CBLB: variants seen among roughly 807,000 people sequenced by gnomAD.
The protein encoded by CBLB is Cbl proto-oncogene B.
CBLB carries 31 observed loss-of-function variants against 104.9 expected under a neutral mutation model. The observed-to-expected ratio is 0.30, with a 90% confidence interval of 0.22 to 0.40. CBLB has a LOEUF of 0.40. Ranked by LOEUF, CBLB falls within the 10% of genes least tolerant of loss-of-function variation. The pLI, the probability that CBLB is intolerant of heterozygous loss-of-function variation, is 1.00. For missense variants in CBLB, 1,062 were observed against 1,214.6 expected (o/e 0.87, Z 1.87); for synonymous variants, 440 against 422.6 (o/e 1.04, Z -0.51).
chr3:105,827,492 A>ATGTG (rs72336872), intron 3 of CBLB, among the ~76,000 whole-genome samples: 16 of 150,832 alleles, frequency 1.1e-4, no homozygotes, highest in African/African-American at 2.7e-4. Flanking sequence ...ACCAGTGTGT[A>ATGTG]TGTGTGTGTG....
intron 2 of CBLB, among the ~76,000 whole-genome samples, chr3:105,857,691 T>C (rs2091745924): frequency 6.6e-6 from 1 of 152,212 alleles, no homozygotes; most frequent in South Asian, 2.1e-4. Flanking sequence ...TTATTCCATT[T>C]GCAAATTTAC....
Position 105,702,330 on chromosome 3 carries a change from T to C in CBLB, c.1723A>G (p.Ile575Val). 1 of 1,613,894 alleles carries C rather than the reference T, an allele frequency of 6.2e-7. No individual in the cohort carries two copies. Among genetic ancestry groups the C allele is most frequent in the South Asian group, 1.1e-5 (1 of 91,060 alleles). The change falls in exon 12 of 19, where the codon ATC becomes GTC. Residue 575 changes from isoleucine to valine, a missense_variant. Coordinates refer to ENST00000394030, the MANE Select transcript of CBLB (RefSeq NM_170662.5). ...GAAGGCACGCTTTCCACATGATGGA[T>C]GTGTCTACTCAGTCTATTGTCTGGT... ...IPPDNRLSRH[I>V]HHVESVPSRD...
intron 9 of CBLB, among the ~76,000 whole-genome samples, chr3:105,726,292 G>C (rs568030490): frequency 2.6e-5 from 4 of 152,214 alleles, no homozygotes; most frequent in Non-Finnish European, 5.9e-5. Flanking sequence ...ATTAAAATCA[G>C]AGTTTATTGA....
At chr3:105,711,867 T>A (rs1465426520) in intron 10 of CBLB, among the ~76,000 whole-genome samples, 1 of 152,134 alleles carries the variant, frequency 6.6e-6, no homozygotes, top group Non-Finnish European at 1.5e-5. Context: ...GTTCCACTAG[T>A]AACTTCTGGA....
intron 3 of CBLB, among the ~76,000 whole-genome samples, chr3:105,849,383 A>AT (rs2090670468): frequency 6.6e-6 from 1 of 152,088 alleles, no homozygotes; most frequent in African/African-American, 2.4e-5. Flanking sequence ...AAACCAATAA[A>AT]TTTTGTCTTA....
rs2082631287 is a variant in CBLB, at chr3:105,799,729, C to G, written c.420-23187G>C. On this transcript the variant is annotated intron_variant, in intron 3 of 18. Transcript: ENST00000394030. ...TAAACACAGGCATTTACAATTCCTG[C>G]TATAGAAATAGTGACATGGAGTTAA... 2.0e-5 allele frequency among the ~76,000 whole-genome samples: 3 copies of G among 152,090 alleles called. No homozygotes were observed. The South Asian group carries it at 6.2e-4, about 31-fold the overall frequency.
intron 14 of CBLB, among the ~76,000 whole-genome samples, chr3:105,682,535 A>G (rs2066441095): frequency 6.6e-6 from 1 of 152,024 alleles, no homozygotes; most frequent in South Asian, 2.1e-4. Context: ...TTGTGTGTGT[A>G]TCTGTGTGTT....
At chr3:105,794,070 A>C (rs938577401) in intron 3 of CBLB, among the ~76,000 whole-genome samples, 1 of 152,212 alleles carries the variant, frequency 6.6e-6, no homozygotes, top group African/African-American at 2.4e-5. Flanking sequence ...AATAAGACTG[A>C]TGATGCCCAT....
chr3:105,732,276 T>A (rs936850113), intron 9 of CBLB, among the ~76,000 whole-genome samples: 15 of 152,190 alleles, frequency 9.9e-5, no homozygotes, highest in African/African-American at 3.4e-4. Flanking sequence ...TACCAACATA[T>A]CTACATTTAT....
intron 3 of CBLB, among the ~76,000 whole-genome samples, chr3:105,848,968 T>C (rs1040213306): frequency 2.0e-5 from 3 of 152,144 alleles, no homozygotes; most frequent in Non-Finnish European, 2.9e-5. Context: ...TAGGTTCTGA[T>C]TGGTAATGTA....
At chr3:105,707,548 T>C (rs1015993057) in intron 10 of CBLB, among the ~76,000 whole-genome samples, 2 of 152,126 alleles carry the variant, frequency 1.3e-5, no homozygotes, top group African/African-American at 4.8e-5. Context: ...TTAAAAACAA[T>C]TATGCAGTTA....
At chr3:105,824,885 T>C (rs2086368511) in intron 3 of CBLB, among the ~76,000 whole-genome samples, 1 of 152,102 alleles carries the variant, frequency 6.6e-6, no homozygotes. Flanking sequence ...AAGAAACATA[T>C]CCCCATTCTT....
intron 17 of CBLB, chr3:105,670,694 T>A (rs1691230077): frequency 4.0e-6 from 1 of 248,776 alleles, no homozygotes; most frequent in African/African-American, 2.3e-5. Flanking sequence ...GAAACTGTTC[T>A]AAAGTAAAAG....
At chr3:105,744,423 T>G (rs1399884154) in intron 6 of CBLB, among the ~76,000 whole-genome samples, 2 of 152,204 alleles carry the variant, frequency 1.3e-5, no homozygotes, top group East Asian at 3.8e-4. Flanking sequence ...TCTAAACCAC[T>G]GTCAATATGC....
At chr3:105,773,105 A>G (rs1329238849) in intron 4 of CBLB, among the ~76,000 whole-genome samples, 1 of 152,244 alleles carries the variant, frequency 6.6e-6, no homozygotes, top group Middle Eastern at 3.2e-3. Flanking sequence ...ATAGCAGCAT[A>G]ATTTGCAATT....
intron 13 of CBLB, among the ~76,000 whole-genome samples, chr3:105,691,946 C>G (rs1412965253): frequency 1.3e-5 from 2 of 152,206 alleles, no homozygotes; most frequent in Non-Finnish European, 2.9e-5. Context: ...ACAGCCTCTC[C>G]TCCAAACTCA....
chr3:105,754,038 G>A (rs890023820), intron 4 of CBLB, among the ~76,000 whole-genome samples: 2 of 152,024 alleles, frequency 1.3e-5, no homozygotes, highest in Admixed American at 1.3e-4. Flanking sequence ...GGGAGCCAGG[G>A]CACTATTTTG....
chr3:105,853,967 C>G (rs1320421176), intron 2 of CBLB, among the ~76,000 whole-genome samples: 1 of 152,062 alleles, frequency 6.6e-6, no homozygotes, highest in Non-Finnish European at 1.5e-5. Context: ...CTGTATATCA[C>G]TGATAGTCTT....
intron 2 of CBLB, among the ~76,000 whole-genome samples, chr3:105,861,533 T>G (rs1164520220): frequency 6.6e-6 from 1 of 151,982 alleles, no homozygotes; most frequent in African/African-American, 2.4e-5. Flanking sequence ...TTGTTCCTAC[T>G]CTTTCCCTCC....
Sources: gnomAD v4.1 joint callset for allele counts (sites outside exome capture counted in the v4.1 genomes callset) on GRCh38, gnomAD v4.1.1 for gene constraint, MANE v1.5 for transcripts, NCBI Gene and HGNC (gene_info 2026-07-23, HGNC 2026-07-21) for gene names.